DHX8: variants seen among roughly 807,000 people sequenced by gnomAD.
DHX8 encodes ATP-dependent RNA helicase DHX8.
A neutral mutation model predicts 140.7 loss-of-function variants in DHX8; 67 were observed. That is an observed-to-expected ratio of 0.48 (90% CI 0.39 to 0.58). The LOEUF (loss-of-function observed/expected upper bound fraction) is 0.58. Among genes scored for constraint, DHX8 ranks in the 20% least tolerant of loss-of-function variants. The pLI is 0.00. For synonymous variants in DHX8, 533 were observed against 553.2 expected (o/e 0.96, Z 0.51); for missense variants, 887 against 1,550.7 (o/e 0.57, Z 7.19).
At chr17:43,508,809 C>T (rs1053007818) in intron 16 of DHX8, among the ~76,000 whole-genome samples, 8 of 151,828 alleles carry the variant, frequency 5.3e-5, no homozygotes, top group African/African-American at 1.2e-4. Flanking sequence ...TTAGTAGAGA[C>T]GGGGTTTCAC....
At chr17:43,538,954 A>C (rs186379527) in intron 3 of DHX8, among the ~76,000 whole-genome samples, 1 of 152,156 alleles carries the variant, frequency 6.6e-6, no homozygotes, top group African/African-American at 2.4e-5. Context: ...GGCCTATACA[A>C]ATACATATCC....
intron 2 of DHX8, among the ~76,000 whole-genome samples, chr17:43,536,125 C>T (rs989498898): frequency 2.6e-5 from 4 of 152,036 alleles, no homozygotes; most frequent in Non-Finnish European, 4.4e-5. Flanking sequence ...GGAAAACAAA[C>T]AAACAAACAA....
intron 15 of DHX8, 72 bp downstream of exon 15, chr17:43,508,091 G>C: frequency 1.4e-6 from 2 of 1,427,074 alleles, no homozygotes; most frequent in South Asian, 1.3e-5. Context: ...CCTCATATGG[G>C]TATCTTTTTT....
intron 1 of DHX8, 130 bp downstream of exon 1, chr17:43,484,315 A>G (rs1371767850): frequency 1.8e-5 from 20 of 1,141,520 alleles, no homozygotes; most frequent in Non-Finnish European, 2.1e-5. Context: ...TGTCGCAGAC[A>G]CCGGTGCCCA....
intron 12 of DHX8, 100 bp downstream of exon 12, chr17:43,504,925 C>A: frequency 9.5e-7 from 1 of 1,054,810 alleles, no homozygotes; most frequent in Non-Finnish European, 1.4e-6. Context: ...TATGTGCCTA[C>A]TTGAAGTGGC....
Position 43,484,115 on chromosome 17 carries a change from G to A in DHX8, c.78G>A (p.Glu26=). The change falls in exon 1 of 23, where the codon GAG becomes GAA. Residue 26 remains glutamate, a synonymous_variant. Coordinates refer to ENST00000262415, the MANE Select transcript of DHX8 (RefSeq NM_004941.3). Reference sequence around the variant, plus strand: ...CCGCGGAAGAACTTGCCAAACTCGAGTACCTGTCTTTGGTGTCAAAGGTTT... The same window carrying A: ...CCGCGGAAGAACTTGCCAAACTCGAATACCTGTCTTTGGTGTCAAAGGTTT... ...PGPAEELAKL[E]YLSLVSKVCT... 4 of 1,614,064 alleles carry A rather than the reference G, an allele frequency of 2.5e-6. No homozygotes were observed. The highest frequency in any genetic ancestry group is 2.2e-5 in the East Asian group (1 of 44,874).
intron 22 of DHX8, among the ~76,000 whole-genome samples, chr17:43,522,759 A>C (rs1237894766): frequency 6.8e-6 from 1 of 146,542 alleles, no homozygotes; most frequent in Non-Finnish European, 1.5e-5. Flanking sequence ...AAAAAAAAAA[A>C]AAAAAAAAAC....
chr17:43,506,401 C>G (rs999195292), intron 12 of DHX8, among the ~76,000 whole-genome samples: 1 of 151,628 alleles, frequency 6.6e-6, no homozygotes, highest in East Asian at 2.0e-4. Flanking sequence ...GGCGGATCAC[C>G]TGAGGTCAGG....
At chr17:43,521,941 TG>T in intron 21 of DHX8, 105 bp from the exon 22 acceptor site, 5 of 1,217,754 alleles carry the variant, frequency 4.1e-6, no homozygotes, top group Non-Finnish European at 5.9e-6. Context: ...AGGAAGGTCC[TG>T]GTGACTACTC....
chr17:43,508,583 A>G, intron 16 of DHX8, 63 bp downstream of exon 16: 1 of 1,169,354 alleles, frequency 8.6e-7, no homozygotes, highest in Non-Finnish European at 1.2e-6. Flanking sequence ...GCAGCCTGTC[A>G]GCCATAGTAG....
chr17:43,529,394 T>A, downstream of DHX8: 1 of 1,433,812 alleles, frequency 7.0e-7, no homozygotes, highest in Non-Finnish European at 9.6e-7. Context: ...AGAATTCAGG[T>A]TAGGTAAAGC....
chr17:43,493,111 T>C (rs1968636428), intron 6 of DHX8, 71 bp downstream of exon 6: 1 of 1,539,366 alleles, frequency 6.5e-7, no homozygotes, highest in South Asian at 1.3e-5. Flanking sequence ...GATGTTCACA[T>C]TCTAAAAAGT....
rs139717202 is a variant in DHX8 at position 43,484,309 on chromosome 17, G to T, written c.148+124G>T. On this transcript the variant is annotated intron_variant, in intron 1 of 22. Transcript: ENST00000262415. Reference sequence around the variant, plus strand: ...TCGTGTGAATCTGTCTCTCTCTGTCGCAGACACCGGTGCCCAGGGTACACG... The same window carrying T: ...TCGTGTGAATCTGTCTCTCTCTGTCTCAGACACCGGTGCCCAGGGTACACG... 2.8e-4 allele frequency: 332 copies of T among 1,180,918 alleles called. 1 individual carries two copies. In the East Asian group the frequency reaches 5.6e-3, roughly 20 times the overall value. The allele number at this position is 1,180,918 out of a possible 1,614,324, so 73.2% of individuals were successfully genotyped here.
intron 8 of DHX8, among the ~76,000 whole-genome samples, chr17:43,495,005 G>T (rs1233114563): frequency 1.3e-5 from 2 of 151,580 alleles, no homozygotes; most frequent in Non-Finnish European, 2.9e-5. Context: ...GTAGAGACGG[G>T]GTTTCACCAT....
intron 16 of DHX8, among the ~76,000 whole-genome samples, chr17:43,509,655 G>GGTTTTT (rs573705271): frequency 6.6e-6 from 1 of 151,402 alleles, no homozygotes; most frequent in African/African-American, 2.4e-5. Flanking sequence ...GGCTAATTTT[G>GGTTTTT]GTTTTTGTTT....
chr17:43,498,959 G>C lies in DHX8; in HGVS notation c.1398G>C (p.Lys466Asn). The C allele has an allele frequency of 1.3e-6, 2 of 1,580,850 alleles. No individual in the cohort carries two copies. The highest frequency in any genetic ancestry group is 1.7e-6 in the Non-Finnish European group (2 of 1,169,528). ...SMDMSPIKIV[K>N]NPDGSLSQAA... ...ACATGAGCCCCATTAAAATTGTCAA[G>C]GTGAGAATTACTGGACCTTTAACCT... Residue 466 changes from lysine to asparagine, a missense_variant and splice_region_variant, in exon 10 of 23, where the codon AAG becomes AAC. Physicochemically the swap from Lys to Asn is moderately conservative, Grantham distance 94. Transcript: ENST00000262415.
downstream of DHX8, chr17:43,525,971 G>A (rs780162113): frequency 1.4e-5 from 14 of 985,306 alleles, no homozygotes; most frequent in African/African-American, 1.7e-5. Flanking sequence ...TCTGGCTCAG[G>A]TGGAGGAAAA....
chr17:43,530,948 G>C (rs532520947), downstream of DHX8, among the ~76,000 whole-genome samples: 197 of 152,218 alleles, frequency 1.3e-3, 1 homozygote, highest in African/African-American at 4.6e-3. Flanking sequence ...ACTCCATTCA[G>C]GAGTAGCTGG....
chr17:43,532,422 C>T (rs909711844), intron 2 of DHX8, among the ~76,000 whole-genome samples: 1 of 152,000 alleles, frequency 6.6e-6, no homozygotes, highest in Non-Finnish European at 1.5e-5. Flanking sequence ...TCGCTTGAAC[C>T]CGGTAGGCAG....
Sources: gnomAD v4.1 joint callset for allele counts (sites outside exome capture counted in the v4.1 genomes callset) on GRCh38, gnomAD v4.1.1 for gene constraint, MANE v1.5 for transcripts, NCBI Gene and HGNC (gene_info 2026-07-23, HGNC 2026-07-21) for gene names.